The following ALDH1L2 variants were observed in gnomAD, a reference collection of about 807,000 sequenced individuals.
ALDH1L2 encodes mitochondrial 10-formyltetrahydrofolate dehydrogenase.
A neutral mutation model predicts 111.0 loss-of-function variants in ALDH1L2; 91 were observed. The ratio of observed to expected loss-of-function variants is 0.82; its 90% confidence interval spans 0.69 to 0.98. ALDH1L2 has a LOEUF of 0.98. ALDH1L2 is among the 50% of genes least tolerant of loss of function. ALDH1L2 has a pLI of 0.00. For synonymous variants in ALDH1L2, 374 were observed against 392.6 expected, an observed-to-expected ratio of 0.95 and a Z score of 0.56; for missense variants, 995 against 1,126.8, an observed-to-expected ratio of 0.88 and a Z score of 1.67.
chr12:105,056,368 T>G (rs1458471384), intron 10 of ALDH1L2, among the ~76,000 whole-genome samples: 1 of 151,754 alleles, frequency 6.6e-6, no homozygotes, highest in Admixed American at 6.6e-5. Flanking sequence ...AAACAGAAAA[T>G]TGATTGCTAG....
chr12:105,034,667 A>G lies in ALDH1L2; in HGVS notation c.2146-269T>C, dbSNP rs79385425. Among the ~76,000 whole-genome samples, 462 of 152,246 alleles carry G rather than the reference A, an allele frequency of 3.0e-3. 6 individuals carry two copies. In the East Asian group the frequency reaches 0.041, roughly 13 times the overall value. ...AATGTATGTGTAACAATAAAGATGT[A>G]CCATTAGAAACAAATTTTGTGTTAA... On this transcript the variant is annotated intron_variant, in intron 18 of 22. Transcript: ENST00000258494.
intron 15 of ALDH1L2, among the ~76,000 whole-genome samples, chr12:105,046,306 G>A (rs1232990026): frequency 5.9e-5 from 8 of 136,282 alleles, no homozygotes; most frequent in Admixed American, 2.3e-4. Context: ...GCACGATCTC[G>A]GCTCATTGCA....
chr12:105,028,739 A>G (rs1024122127), intron 21 of ALDH1L2, among the ~76,000 whole-genome samples: 44 of 152,294 alleles, frequency 2.9e-4, no homozygotes, highest in African/African-American at 1.0e-3. Context: ...AGATATCACC[A>G]TAGCTCCATA....
intron 1 of ALDH1L2, among the ~76,000 whole-genome samples, chr12:105,084,068 A>C (rs1414273429): frequency 6.6e-6 from 1 of 151,672 alleles, no homozygotes; most frequent in Non-Finnish European, 1.5e-5. Context: ...AAGGAAGCAG[A>C]CTCTGTCCTC....
rs770865441 is a variant in ALDH1L2, at chr12:105,026,744, C to G, written c.2517G>C (p.Gly839=). 1.9e-6 allele frequency: 3 copies of G among 1,613,496 alleles called. No homozygotes were observed. Among genetic ancestry groups the G allele is most frequent in the Non-Finnish European group, 2.5e-6 (3 of 1,179,854 alleles). ...CTCGCTGCAACACTCCATCGATGTC[C>G]CTGTGTTTTTAGGAAGACATAAAAC... The part of the protein sequence containing the change: ...PIMVISKFQN[G]DIDGVLQRAN... The change falls in exon 22 of 23, where the codon GGG becomes GGC. Residue 839 remains glycine, a splice_region_variant and synonymous_variant. Coordinates refer to ENST00000258494, the MANE Select transcript of ALDH1L2 (RefSeq NM_001034173.4).
intron 16 of ALDH1L2, among the ~76,000 whole-genome samples, chr12:105,040,136 A>AC (rs1875439927): frequency 1.3e-5 from 2 of 151,528 alleles, no homozygotes; most frequent in South Asian, 4.2e-4. Flanking sequence ...AAAAAAAAAA[A>AC]AAAAAAAAAA....
In ALDH1L2 at chr12:105,022,198, G is replaced by A. The variant is rs1405978744; in HGVS notation, c.*2226C>T. 1.3e-5 allele frequency: 2 copies of A among 152,208 alleles called. No homozygotes were observed. Among genetic ancestry groups the A allele is most frequent in the Admixed American group, 6.5e-5 (1 of 15,284 alleles). 9.4% of individuals were successfully genotyped at this position (152,208 alleles called of 1,614,324 possible). On this transcript the variant is annotated 3_prime_UTR_variant, in exon 23 of 23. Transcript: ENST00000258494. ...CAGAGCCTTTGATTCTGATCAGCCA[G>A]ATCTAAAAATGTAAGCTGGTAAGAA...
intron 3 of ALDH1L2, among the ~76,000 whole-genome samples, chr12:105,070,202 C>G (rs1821856890): frequency 6.6e-6 from 1 of 152,180 alleles, no homozygotes; most frequent in Admixed American, 6.5e-5. Flanking sequence ...TACCTAGTAA[C>G]AGTCAATGGA....
At position 105,026,563 on chromosome 12, in the gene ALDH1L2, C is replaced by T. The variant is rs138073021; in HGVS notation, c.2698G>A (p.Gly900Ser). ...GCCATACCTAAGTCTTTTCCAAAGC[C>T]AGATTGTTTAACTCCGCCAAATGGG... ...AAPFGGVKQS[G>S]FGKDLGEEAL... The change falls in exon 22 of 23, where the codon GGC becomes AGC. Residue 900 changes from glycine (G) to serine (S), a missense_variant. By Grantham distance (56) the Gly-to-Ser change is moderately conservative. Transcript: ENST00000258494. 12 of 1,614,088 alleles carry T rather than the reference C, an allele frequency of 7.4e-6. No homozygotes were observed. The highest frequency in any genetic ancestry group is 1.0e-5 in the Non-Finnish European group (12 of 1,179,994).
intron 15 of ALDH1L2, among the ~76,000 whole-genome samples, chr12:105,045,083 T>C (rs1875761206): frequency 6.7e-6 from 1 of 149,650 alleles, no homozygotes. Context: ...TTGAAGTTTG[T>C]TTGTTTGTTT....
intron 9 of ALDH1L2, among the ~76,000 whole-genome samples, chr12:105,059,716 G>A (rs1876874293): frequency 6.6e-6 from 1 of 152,190 alleles, no homozygotes; most frequent in African/African-American, 2.4e-5. Context: ...TGCTAAAACT[G>A]TTCCTGACAT....
intron 6 of ALDH1L2, among the ~76,000 whole-genome samples, chr12:105,063,479 G>A (rs372795793): frequency 1.1e-4 from 16 of 143,618 alleles, no homozygotes; most frequent in African/African-American, 1.8e-4. Flanking sequence ...CTGTCTCAAA[G>A]AAAAAAAAAA....
chr12:105,025,667 A>C lies in ALDH1L2; in HGVS notation c.2716+878T>G, dbSNP rs553843042. On this transcript the variant is annotated intron_variant, in intron 22 of 22. Coordinates refer to ENST00000258494, the MANE Select transcript of ALDH1L2 (RefSeq NM_001034173.4). ...AAAATGTAAAAACAAAACAAAACAA[A>C]AAAACTCCAAATGAACTAAACTTAT... Among the ~76,000 whole-genome samples the C allele has an allele frequency of 2.2e-3, 331 of 152,346 alleles. 1 individual carries two copies. Among genetic ancestry groups the C allele is most frequent in the African/African-American group, 7.7e-3 (320 of 41,588 alleles).
intron 10 of ALDH1L2, among the ~76,000 whole-genome samples, chr12:105,054,979 G>A (rs939589539): frequency 2.5e-4 from 38 of 152,116 alleles, no homozygotes; most frequent in African/African-American, 7.7e-4. Context: ...CTAAAAAATG[G>A]CTGACCAAAA....
In ALDH1L2 at chr12:105,034,332, C is replaced by T. The variant is rs770609045; in HGVS notation, c.2212G>A (p.Glu738Lys). 1.9e-6 allele frequency: 3 copies of T among 1,613,966 alleles called. No individual in the cohort carries two copies. The South Asian group carries it at 3.3e-5, about 18-fold the overall frequency. Residue 738 changes from glutamate (E) to lysine (K), a missense_variant, in exon 19 of 23, where the codon GAA becomes AAA. Physicochemically the swap from Glu to Lys is moderately conservative, Grantham distance 56 (BLOSUM62 1). Transcript: ENST00000258494. Reference protein sequence around the residue: ...CIAAGRLFVEESIHDEFVTRV... With the variant: ...CIAAGRLFVEKSIHDEFVTRV... Reference sequence around the variant, plus strand: ...GTCACAAATTCGTCGTGGATGGATTCTTCCACGAACAACCGCCCAGCAGCA... The same window carrying T: ...GTCACAAATTCGTCGTGGATGGATTTTTCCACGAACAACCGCCCAGCAGCA...
intron 13 of ALDH1L2, 40 bp from the exon 14 acceptor site, chr12:105,047,009 A>C (rs747496504): frequency 6.3e-7 from 1 of 1,588,252 alleles, no homozygotes; most frequent in Non-Finnish European, 8.6e-7. Flanking sequence ...TTACTAATTT[A>C]AATAAGTAAA....
At chr12:105,039,614 T>C (rs111584371) in intron 17 of ALDH1L2, 99 bp downstream of exon 17, 6 of 871,052 alleles carry the variant, frequency 6.9e-6, no homozygotes, top group African/African-American at 6.6e-5. Context: ...CCTTCCAAAG[T>C]TGATGTAGTT....
intron 9 of ALDH1L2, among the ~76,000 whole-genome samples, chr12:105,058,553 A>C (rs545806445): frequency 9.8e-5 from 15 of 152,384 alleles, no homozygotes; most frequent in African/African-American, 3.4e-4. Context: ...CTCAGGGAAT[A>C]AGAAACAAAG....
In ALDH1L2 at chr12:105,026,658, A is replaced by T; in HGVS notation, c.2603T>A (p.Met868Lys). The T allele has an allele frequency of 6.2e-7, 1 of 1,614,222 alleles. No homozygotes were observed. The highest frequency in any genetic ancestry group is 8.5e-7 in the Non-Finnish European group (1 of 1,180,042). ...GVFTRDINKA[M>K]YVSEKLEAGT... ...TGCTTCCAGTTTTTCACTCACATACATAGCTTTGTTTATGTCTCTTGTAAA... is the reference window on the plus strand; with the variant it reads ...TGCTTCCAGTTTTTCACTCACATACTTAGCTTTGTTTATGTCTCTTGTAAA... The change falls in exon 22 of 23, where the codon ATG becomes AAG. Residue 868 changes from methionine (M) to lysine (K), a missense_variant. Physicochemically the swap from Met to Lys is moderately conservative, Grantham distance 95. Transcript: ENST00000258494.
Sources: gnomAD v4.1 joint callset for allele counts (sites outside exome capture counted in the v4.1 genomes callset) on GRCh38, gnomAD v4.1.1 for gene constraint, MANE v1.5 for transcripts, NCBI Gene and HGNC (gene_info 2026-07-23, HGNC 2026-07-21) for gene names.